Variants in ZNF343 observed in about 807,000 individuals in gnomAD.
ZNF343 encodes the protein zinc finger protein 343.
A neutral mutation model predicts 13.8 loss-of-function variants in ZNF343; 11 were observed. The ratio of observed to expected loss-of-function variants is 0.80; its 90% confidence interval spans 0.50 to 1.32. ZNF343 has a LOEUF of 1.32. Among genes scored for constraint, ZNF343 ranks in the 40% most tolerant of loss-of-function variants. The pLI, the probability that ZNF343 is intolerant of heterozygous loss-of-function variation, is 0.00. For synonymous variants in ZNF343, 248 were observed against 260.0 expected (o/e 0.95, Z 0.44); for missense variants, 658 against 714.2 (o/e 0.92, Z 0.90).
chr20:2,512,468 C>T (rs2085742731), upstream of ZNF343, among the ~76,000 whole-genome samples: 1 of 152,154 alleles, frequency 6.6e-6, no homozygotes, highest in Admixed American at 6.5e-5. Context: ...TAAGGGTAGA[C>T]ATAGACCAAT....
chr20:2,506,184 A>G (rs1410243767), intron 1 of ZNF343, among the ~76,000 whole-genome samples: 1 of 152,264 alleles, frequency 6.6e-6, no homozygotes, highest in African/African-American at 2.4e-5. Flanking sequence ...GCCAAAAGAC[A>G]CAGGAAAAAA....
chr20:2,507,337 A>G (rs2085679563), intron 1 of ZNF343, among the ~76,000 whole-genome samples: 1 of 152,062 alleles, frequency 6.6e-6, no homozygotes, highest in Non-Finnish European at 1.5e-5. Flanking sequence ...GTCAGAGAAG[A>G]GAATAATGTA....
At chr20:2,506,873 C>T (rs568062394) in intron 1 of ZNF343, among the ~76,000 whole-genome samples, 1 of 151,554 alleles carries the variant, frequency 6.6e-6, no homozygotes, top group South Asian at 2.1e-4. Flanking sequence ...TGCAGCACAC[C>T]AACATGGAAC....
chr20:2,514,023 G>A (rs2085749227), intron 1 of ZNF343, among the ~76,000 whole-genome samples: 1 of 152,200 alleles, frequency 6.6e-6, no homozygotes, highest in Non-Finnish European at 1.5e-5. Flanking sequence ...CCCTTTTGGG[G>A]CGATGAAAAT....
Position 2,484,345 on chromosome 20 carries a change from T to C in ZNF343, c.616A>G (p.Lys206Glu). The C allele has an allele frequency of 1.2e-6, 2 of 1,614,240 alleles. No homozygotes were observed. Among genetic ancestry groups the C allele is most frequent in the Non-Finnish European group, 1.7e-6 (2 of 1,180,044 alleles). Residue 206 changes from lysine (K) to glutamate (E), a missense_variant, in exon 6 of 6, where the codon AAA becomes GAA. Transcript: ENST00000278772. ...TCTGTTTCTACCACCATGTTGCCTT[T>C]TCTAGGACTTGCTGACTGTCTTTGG... ...PLQRQSASPR[K>E]GNMVVETEPS... is the part of the protein sequence containing the mutation.
chr20:2,513,409 A>G (rs1313482978), upstream of ZNF343, among the ~76,000 whole-genome samples: 2 of 152,210 alleles, frequency 1.3e-5, no homozygotes, highest in Non-Finnish European at 2.9e-5. Flanking sequence ...AACTAAAACC[A>G]TAATAAAATA....
intron 2 of ZNF343, among the ~76,000 whole-genome samples, chr20:2,497,863 G>A (rs548333178): frequency 2.2e-4 from 31 of 142,128 alleles, no homozygotes; most frequent in South Asian, 9.8e-4. Flanking sequence ...TGAACCCCCC[G>A]TACCCACCCG....
chr20:2,505,153 C>A (rs76017403), intron 1 of ZNF343, among the ~76,000 whole-genome samples: 18,294 of 152,056 alleles, frequency 0.12, 1,164 homozygotes, highest in East Asian at 0.16. Flanking sequence ...TTCTTATACA[C>A]CAATAACAGA....
rs1237906657 is a variant in ZNF343, at chr20:2,482,802, C to G, written c.*359G>C. 8.4e-6 allele frequency: 2 copies of G among 236,932 alleles called. No individual in the cohort carries two copies. Among genetic ancestry groups the G allele is most frequent in the East Asian group, 9.1e-5 (1 of 10,940 alleles). 14.7% of individuals were successfully genotyped at this position (236,932 alleles called of 1,614,324 possible). On this transcript the variant is annotated 3_prime_UTR_variant, in exon 6 of 6. Coordinates refer to ENST00000278772, the MANE Select transcript of ZNF343 (RefSeq NM_024325.6). The stretch of plus-strand genomic sequence containing the variant: ...CTGAGTGTCCATTCTTTTACTGATG[C>G]TCCCCAACACTCCCCAGACAAGGGT...
chr20:2,513,673 T>C (rs957390885), upstream of ZNF343, among the ~76,000 whole-genome samples: 1 of 152,172 alleles, frequency 6.6e-6, no homozygotes, highest in African/African-American at 2.4e-5. Context: ...AAACAAAAAC[T>C]TTTATAGAAT....
At position 2,484,259 on chromosome 20, in the gene ZNF343, T is replaced by C; in HGVS notation, c.702A>G (p.Glu234=). ...VQLDKGLKEL[E]TLRFGAINCR... is the part of the protein sequence containing the mutation. ...AGTTGATTGCTCCAAATCTCAAGGT[T>C]TCTAATTCCTTCAAGCCTTTGTCTA... The change falls in exon 6 of 6, where the codon GAA becomes GAG. Residue 234 remains glutamate (E), a synonymous_variant. Transcript: ENST00000278772. The C allele has an allele frequency of 6.2e-7, 1 of 1,614,250 alleles. No homozygotes were observed. Among genetic ancestry groups the C allele is most frequent in the South Asian group, 1.1e-5 (1 of 91,084 alleles).
chr20:2,483,185 G>A lies in ZNF343; in HGVS notation c.1776C>T (p.Leu592=). 3.1e-6 allele frequency: 5 copies of A among 1,611,124 alleles called. No individual in the cohort carries two copies. The highest frequency in any genetic ancestry group is 4.2e-6 in the Non-Finnish European group (5 of 1,178,246). The change falls in exon 6 of 6, where the codon CTC becomes CTT. Residue 592 remains leucine, a synonymous_variant. Transcript: ENST00000278772. ...GTCAGTGTGTCCTCTGGTGTCTGAT[G>A]AGATTTGACTTATGACTAAAGCCTC... ...CGRGFSHKSN[L]IRHQRTH
At chr20:2,517,287 A>G (rs772841287) in intron 1 of ZNF343, among the ~76,000 whole-genome samples, 2 of 152,132 alleles carry the variant, frequency 1.3e-5, no homozygotes, top group African/African-American at 2.4e-5. Flanking sequence ...GTATTTGTAT[A>G]TGTATATGTA....
At chr20:2,517,425 A>G (rs1370010516) in intron 1 of ZNF343, among the ~76,000 whole-genome samples, 4 of 152,060 alleles carry the variant, frequency 2.6e-5, no homozygotes, top group Non-Finnish European at 5.9e-5. Context: ...ACACATATAC[A>G]TATACCAGGA....
chr20:2,493,704 C>T, intron 3 of ZNF343, 74 bp downstream of exon 3: 1 of 1,456,434 alleles, frequency 6.9e-7, no homozygotes, highest in Non-Finnish European at 9.6e-7. Context: ...CAGAGGTGAC[C>T]TCTGAAGCAT....
At chr20:2,485,959 G>A in intron 5 of ZNF343, among the ~76,000 whole-genome samples, 1 of 152,190 alleles carries the variant, frequency 6.6e-6, no homozygotes, top group East Asian at 1.9e-4. Context: ...GGTTCTCAAA[G>A]TAACTCATTA....
In ZNF343 at chr20:2,484,409, T is replaced by C. The variant is rs1384337776; in HGVS notation, c.552A>G (p.Thr184=). The C allele has an allele frequency of 1.4e-5, 22 of 1,614,110 alleles. No individual in the cohort carries two copies. The Admixed American group carries it at 2.2e-4, about 16-fold the overall frequency. ...GGGSKPWSAR[T]EERETSRAFP... Reference sequence around the variant, plus strand: ...ATGCCCTTGAGGTTTCTCTCTCCTCTGTCCTTGCAGACCAGGGTTTGGAGC... The same window carrying C: ...ATGCCCTTGAGGTTTCTCTCTCCTCCGTCCTTGCAGACCAGGGTTTGGAGC... Residue 184 remains threonine (T), a synonymous_variant, in exon 6 of 6, where the codon ACA becomes ACG. Coordinates refer to ENST00000278772, the MANE Select transcript of ZNF343 (RefSeq NM_024325.6).
intron 1 of ZNF343, among the ~76,000 whole-genome samples, chr20:2,506,028 T>A (rs1024350337): frequency 5.3e-5 from 8 of 151,522 alleles, no homozygotes; most frequent in Non-Finnish European, 1.2e-4. Flanking sequence ...TGGGAGAAAA[T>A]TTTTCCAATC....
intron 5 of ZNF343, among the ~76,000 whole-genome samples, chr20:2,488,852 C>G (rs1043714477): frequency 6.6e-6 from 1 of 152,104 alleles, no homozygotes; most frequent in African/African-American, 2.4e-5. Flanking sequence ...TGAGACCAGC[C>G]TGGGCAACAT....
Sources: gnomAD v4.1 joint callset for allele counts (sites outside exome capture counted in the v4.1 genomes callset) on GRCh38, gnomAD v4.1.1 for gene constraint, MANE v1.5 for transcripts, NCBI Gene and HGNC (gene_info 2026-07-23, HGNC 2026-07-21) for gene names.